RAB11FIP3: variants seen among roughly 807,000 people sequenced by gnomAD.
RAB11FIP3 encodes RAB11 family interacting protein 3, also known as rab11 family-interacting protein 3.
In RAB11FIP3, 17 loss-of-function variants were observed where a neutral mutation model predicts 77.8. That is an observed-to-expected ratio of 0.22 (90% CI 0.15 to 0.33). The LOEUF (loss-of-function observed/expected upper bound fraction) is 0.33, where lower values mean the gene tolerates loss of function less well. Ranked by LOEUF, RAB11FIP3 falls within the 10% of genes least tolerant of loss-of-function variation. The pLI is 1.00. For missense variants in RAB11FIP3, 1,005 were observed against 1,011.2 expected (o/e 0.99, Z 0.08); for synonymous variants, 437 against 448.2 (o/e 0.98, Z 0.31).
intron 6 of RAB11FIP3, among the ~76,000 whole-genome samples, chr16:498,320 C>T (rs2031289318): frequency 1.3e-5 from 2 of 152,114 alleles, no homozygotes; most frequent in South Asian, 4.2e-4. Context: ...ACTACAGGTG[C>T]GCATTGCCAA....
chr16:462,278 A>G (rs1435099676), intron 2 of RAB11FIP3, among the ~76,000 whole-genome samples: 1 of 152,096 alleles, frequency 6.6e-6, no homozygotes, highest in East Asian at 1.9e-4. Flanking sequence ...CTGGAGTGCA[A>G]TGGCCCGATC....
chr16:432,417 G>A (rs2055052147), intron 1 of RAB11FIP3, among the ~76,000 whole-genome samples: 1 of 151,908 alleles, frequency 6.6e-6, no homozygotes, highest in Admixed American at 6.6e-5. Flanking sequence ...TAAAATACTA[G>A]TAGATAAAAT....
chr16:497,496 G>A, intron 6 of RAB11FIP3: 2 of 1,188,588 alleles, frequency 1.7e-6, no homozygotes, highest in South Asian at 1.6e-5. Flanking sequence ...TCCCCGTCCT[G>A]CTTCGTGGCC....
At chr16:475,900 A>G (rs1265022537) in intron 3 of RAB11FIP3, among the ~76,000 whole-genome samples, 3 of 151,854 alleles carry the variant, frequency 2.0e-5, no homozygotes, top group African/African-American at 7.3e-5. Flanking sequence ...TCTGTCACCC[A>G]GGCTGGAGTG....
chr16:438,357 C>T (rs1216776289), intron 1 of RAB11FIP3, among the ~76,000 whole-genome samples: 3 of 148,808 alleles, frequency 2.0e-5, no homozygotes, highest in South Asian at 2.1e-4. Context: ...CTGCCCACCT[C>T]GGCCTCCCAG....
At chr16:474,994 G>A in intron 3 of RAB11FIP3, 2 of 1,551,714 alleles carry the variant, frequency 1.3e-6, no homozygotes, top group Non-Finnish European at 8.7e-7. Context: ...TGACCCGGTT[G>A]GGACGGAGAC....
intron 2 of RAB11FIP3, among the ~76,000 whole-genome samples, chr16:466,630 G>A (rs2055705721): frequency 6.6e-6 from 1 of 152,244 alleles, no homozygotes; most frequent in African/African-American, 2.4e-5. Context: ...GGTTGCCGGT[G>A]TCTTGGCTTA....
At position 507,133 on chromosome 16, in the gene RAB11FIP3, G is replaced by T. The variant is rs1354520652; in HGVS notation, c.1499+1506G>T. On this transcript the variant is annotated intron_variant, in intron 8 of 13. Transcript: ENST00000262305. This position sits in a 1 kb window ranked among gnomAD's most constrained non-coding sequence, Gnocchi z 4.6. ...CCAGCTTTTTTTTTTTTTTTTTTGA[G>T]ACGGGGTCTCTCTCTGTCTCCAGGC... Among the ~76,000 whole-genome samples the T allele has an allele frequency of 3.5e-5, 5 of 141,170 alleles. No individual in the cohort carries two copies. Among genetic ancestry groups the T allele is most frequent in the South Asian group, 2.2e-4 (1 of 4,486 alleles). The allele number at this position is 141,170 out of a possible 152,430, so 92.6% of individuals were successfully genotyped here.
chr16:497,343 T>C, intron 6 of RAB11FIP3: 2 of 1,303,958 alleles, frequency 1.5e-6, no homozygotes, highest in Non-Finnish European at 2.0e-6. Context: ...ACATACACTT[T>C]TATCTTCCTC....
chr16:461,830 C>T lies in RAB11FIP3; in HGVS notation c.808+333C>T, dbSNP rs1008445573. Among the ~76,000 whole-genome samples, 7 of 152,166 alleles carry T rather than the reference C, an allele frequency of 4.6e-5. No homozygotes were observed. The highest frequency in any genetic ancestry group is 2.0e-4 in the Admixed American group (3 of 15,268). On this transcript the variant is annotated intron_variant, in intron 2 of 13. Transcript: ENST00000262305. This position sits in a 1 kb window ranked among gnomAD's most constrained non-coding sequence, Gnocchi z 4.5. ...GCCACCCAAGTGGGTGTTCATCACC[C>T]GTGCTCTGCAGGCAGCACTTCGTCG... is the stretch of plus-strand genomic sequence containing the variant.
chr16:499,523 C>A (rs1354054536), intron 6 of RAB11FIP3, among the ~76,000 whole-genome samples: 1 of 152,138 alleles, frequency 6.6e-6, no homozygotes, highest in Non-Finnish European at 1.5e-5. Flanking sequence ...CTGAGCCGGA[C>A]GCAGTGGCTC....
rs570832767 is a variant in RAB11FIP3 at position 460,922 on chromosome 16, C to G, written c.715-482C>G. On this transcript the variant is annotated intron_variant, in intron 1 of 13. Transcript: ENST00000262305. The stretch of plus-strand genomic sequence containing the variant: ...GTGGCCCATGGAGGCCGTGCTGCCT[C>G]CTGCACGTGAGGAGTCAGAGGCTGT... Among the ~76,000 whole-genome samples the G allele has an allele frequency of 5.3e-5, 8 of 152,312 alleles. No homozygotes were observed. In the South Asian group the frequency reaches 1.2e-3, roughly 24 times the overall value.
chr16:471,483 TC>T lies in RAB11FIP3; in HGVS notation c.903+96del, dbSNP rs773313786. On this transcript the variant is annotated intron_variant, in intron 3 of 13. Transcript: ENST00000262305. The surrounding 1 kb of genome is among the most constrained non-coding windows in gnomAD (Gnocchi z 4.4). ...CGTGCCTCCTGCCTCCGGGCTGTCTTCCGTAGAAGCTGGCGTGAAGGAAGGG... is the reference window on the plus strand; with the variant it reads ...CGTGCCTCCTGCCTCCGGGCTGTCTTCGTAGAAGCTGGCGTGAAGGAAGGG... 83 of 1,120,058 alleles carry T rather than the reference TC, an allele frequency of 7.4e-5. No homozygotes were observed. Among genetic ancestry groups the T allele is most frequent in the Non-Finnish European group, 9.5e-5 (72 of 759,432 alleles). The allele number at this position is 1,120,058 out of a possible 1,614,324, so 69.4% of individuals were successfully genotyped here.
intron 2 of RAB11FIP3, among the ~76,000 whole-genome samples, chr16:468,045 CAGGGGCG>C (rs1342047504): frequency 2.4e-4 from 8 of 33,824 alleles, no homozygotes; most frequent in African/African-American, 4.1e-4. Context: ...GGAGGAGGTG[CAGGGGCG>C]TTGGAGGAGG....
At chr16:495,373 T>C (rs2031031050) in intron 5 of RAB11FIP3, among the ~76,000 whole-genome samples, 1 of 152,212 alleles carries the variant, frequency 6.6e-6, no homozygotes, top group Admixed American at 6.5e-5. Context: ...TCAGGGCTTG[T>C]GGGGAACCTG....
intron 10 of RAB11FIP3, 129 bp downstream of exon 10, chr16:519,153 C>T (rs887305602): frequency 4.1e-6 from 4 of 983,208 alleles, no homozygotes; most frequent in Non-Finnish European, 6.1e-6. Flanking sequence ...ACGGGGCCAG[C>T]TCAGGGCCCA....
chr16:446,983 G>T (rs1244716934), intron 1 of RAB11FIP3, among the ~76,000 whole-genome samples: 1 of 151,596 alleles, frequency 6.6e-6, no homozygotes, highest in Non-Finnish European at 1.5e-5. Context: ...ACAGGCGTGA[G>T]CCACCATGCC....
chr16:447,865 A>G (rs1325048172), intron 1 of RAB11FIP3, among the ~76,000 whole-genome samples: 1 of 152,250 alleles, frequency 6.6e-6, no homozygotes, highest in East Asian at 1.9e-4. Flanking sequence ...AGAAAGGGTG[A>G]GAACAAAGGG....
At chr16:474,350 C>T (rs1474067859) in intron 3 of RAB11FIP3, among the ~76,000 whole-genome samples, 9 of 152,126 alleles carry the variant, frequency 5.9e-5, no homozygotes, top group South Asian at 2.1e-4. Context: ...TAGTCATGGC[C>T]GAGCTAGTGG....
Sources: gnomAD v4.1 joint callset for allele counts (sites outside exome capture counted in the v4.1 genomes callset) on GRCh38, gnomAD v4.1.1 for gene constraint, Gnocchi (gnomAD v3.1) non-coding constraint, MANE v1.5 for transcripts, NCBI Gene and HGNC (gene_info 2026-07-23, HGNC 2026-07-21) for gene names.